The following PLXND1 variants were observed in gnomAD, a reference collection of about 807,000 sequenced individuals.
The protein encoded by PLXND1 is plexin-D1.
In PLXND1, 54 loss-of-function variants were observed where a neutral mutation model predicts 197.7. That is an observed-to-expected ratio of 0.27 (90% CI 0.22 to 0.34). The LOEUF (loss-of-function observed/expected upper bound fraction) is 0.34, where lower values mean the gene tolerates loss of function less well. Among genes scored for constraint, PLXND1 ranks in the 10% least tolerant of loss-of-function variants. The pLI is 1.00. For synonymous variants in PLXND1, 1,180 were observed against 1,161.2 expected, an observed-to-expected ratio of 1.02 and a Z score of -0.33; for missense variants, 2,127 against 2,699.2, an observed-to-expected ratio of 0.79 and a Z score of 4.70.
At position 129,557,219 on chromosome 3, in the gene PLXND1, G is replaced by A. The variant is rs2084987777; in HGVS notation, c.5450C>T (p.Ser1817Leu). ...GGCGTAGAGGAGCTTGTTGGTTGGC[G>A]AATCCTGGGCAGAGAAGAGCGAGGG... ...SISDLQLGKD[S>L]PTNKLLYAKE... Residue 1817 changes from serine to leucine, a missense_variant, in exon 34 of 36, where the codon TCG (serine) becomes TTG (leucine). This residue lies in a region of PLXND1 where 200 missense variants were observed against 303.3 expected (regional missense o/e 0.66). Coordinates refer to ENST00000324093, the MANE Select transcript of PLXND1 (RefSeq NM_015103.3). This position sits in a 1 kb window ranked among gnomAD's most constrained non-coding sequence, Gnocchi z 4.8. The A allele has an allele frequency of 1.9e-6, 3 of 1,614,056 alleles. No homozygotes were observed. Among genetic ancestry groups the A allele is most frequent in the East Asian group, 2.2e-5 (1 of 44,878 alleles).
chr3:129,581,698 T>A (rs985551006), intron 8 of PLXND1, among the ~76,000 whole-genome samples: 1 of 152,182 alleles, frequency 6.6e-6, no homozygotes, highest in African/African-American at 2.4e-5. Context: ...TTCCCTAAGA[T>A]CATACAGCCA....
chr3:129,586,647 G>T lies in PLXND1; in HGVS notation c.1561C>A (p.His521Asn), dbSNP rs1214965133. Residue 521 changes from histidine (H) to asparagine (N), a missense_variant, in exon 3 of 36, where the codon CAT becomes AAT. Transcript: ENST00000324093. ...TCTGCTGGGTCAAACTGCATGACAT[G>T]GTGCACGGGCTCCCCATAGGCCACA... ...VTVAYGEPVHHVMQFDPADSG... is the reference protein window; with the variant it reads ...VTVAYGEPVHNVMQFDPADSG... 1.3e-6 allele frequency: 2 copies of T among 1,583,146 alleles called. No individual in the cohort carries two copies. The highest frequency in any genetic ancestry group is 1.7e-6 in the Non-Finnish European group (2 of 1,164,076).
chr3:129,567,716 G>A lies in PLXND1; in HGVS notation c.3955C>T (p.Arg1319Ter). ...LQMEEMESQI[R>*]EEIRKGFAEL... ...CCACTACCTTTGCGGATTTCCTCTC[G>A]GATCTGAGATTCCATCTCCTCCATC... is the stretch of plus-strand genomic sequence containing the variant. Residue 1319 changes from arginine (R) to a stop codon, truncating the protein, a stop_gained, in exon 21 of 36, where the codon CGA becomes TGA. Coordinates refer to ENST00000324093, the MANE Select transcript of PLXND1 (RefSeq NM_015103.3). LOFTEE classifies it high-confidence loss of function. 3.1e-6 allele frequency: 5 copies of A among 1,610,460 alleles called. No homozygotes were observed. Among genetic ancestry groups the A allele is most frequent in the Non-Finnish European group, 2.5e-6 (3 of 1,176,644 alleles).
At chr3:129,589,307 G>GCCGGGCCCCCCCCCCCCCCCCCCC in intron 2 of PLXND1, 44 bp downstream of exon 2, 5 of 684,692 alleles carry the variant, frequency 7.3e-6, no homozygotes, top group Non-Finnish European at 1.3e-5. Context: ...TCCCAGGGGA[G>GCCGGGCCCCCCCCCCCCCCCCCCC]CCTCCCACCC....
At chr3:129,566,117 T>TG in intron 23 of PLXND1, 100 bp from the exon 24 acceptor site, 1 of 1,283,250 alleles carries the variant, frequency 7.8e-7, no homozygotes, top group Non-Finnish European at 1.1e-6. Context: ...CCTCCTGGGA[T>TG]GGGGAGCTCA....
rs2108774933 is a variant in PLXND1 at position 129,571,189 on chromosome 3, C to A, written c.3451G>T (p.Ala1151Ser). The change falls in exon 18 of 36, where the codon GCT (alanine) becomes TCT (serine). Residue 1151 changes from alanine to serine, a missense_variant. Ala to Ser is a moderately conservative substitution (Grantham distance 99). Transcript: ENST00000324093. Reference protein sequence around the residue: ...INGRAYADEVAVAEELLDPEE... With the variant: ...INGRAYADEVSVAEELLDPEE... ...GGGTCCAGTAGCTCCTCAGCCACAGCCACCTCGTCTGCGTAGGCCCGCCCA... is the reference window on the plus strand; with the variant it reads ...GGGTCCAGTAGCTCCTCAGCCACAGACACCTCGTCTGCGTAGGCCCGCCCA... 6.2e-7 allele frequency: 1 copy of A among 1,614,210 alleles called. No individual in the cohort carries two copies. Among genetic ancestry groups the A allele is most frequent in the Middle Eastern group, 1.6e-4 (1 of 6,062 alleles).
At position 129,605,704 on chromosome 3, in the gene PLXND1, G is replaced by T. The variant is rs777985936; in HGVS notation, c.936C>A (p.Ser312Arg). Residue 312 changes from serine (S) to arginine (R), a missense_variant, in exon 1 of 36, where the codon AGC becomes AGA. This residue lies in a region of PLXND1 where 1,095 missense variants were observed against 1,259.8 expected (regional missense o/e 0.87). Coordinates refer to ENST00000324093, the MANE Select transcript of PLXND1 (RefSeq NM_015103.3). ...TGCGCGCCAGCAGGCTCCGCGCCTG[G>T]CTCTCCTTGTCGCCCGCGCGCGCCT... ...NSEARAGDKE[S>R]QARSLLARIC... 37 of 1,539,696 alleles carry T rather than the reference G, an allele frequency of 2.4e-5. No homozygotes were observed. In the South Asian group the frequency reaches 4.2e-4, roughly 17 times the overall value.
At chr3:129,573,774 T>G (rs766321904) in intron 12 of PLXND1, 29 bp from the exon 13 acceptor site, 1 of 1,607,564 alleles carries the variant, frequency 6.2e-7, no homozygotes, top group South Asian at 1.1e-5. Context: ...GAGGGGCGAA[T>G]GGGATCTGAG....
rs1349317894 is a variant in PLXND1, at chr3:129,606,008, G to A, written c.632C>T (p.Ala211Val). ...GGAGCTGCCGTAACCGGTGTACGTG[G>A]CGCCCACGAGCAGGCGGCTGCCCCC... is the stretch of plus-strand genomic sequence containing the variant. ...GAGGSRLLVG[A>V]TYTGYGSSFF... Residue 211 changes from alanine (A) to valine (V), a missense_variant, in exon 1 of 36, where the codon GCC becomes GTC. By Grantham distance (64) the Ala-to-Val change is moderately conservative. This residue lies in a region of PLXND1 where 1,095 missense variants were observed against 1,259.8 expected (regional missense o/e 0.87). Transcript: ENST00000324093. The A allele has an allele frequency of 6.2e-7, 1 of 1,608,410 alleles. No homozygotes were observed. Among genetic ancestry groups the A allele is most frequent in the African/African-American group, 1.3e-5 (1 of 74,854 alleles).
intron 29 of PLXND1, chr3:129,561,107 G>C: frequency 2.1e-6 from 1 of 474,606 alleles, no homozygotes; most frequent in South Asian, 1.5e-5. Flanking sequence ...AGCCACGGGG[G>C]AGGAGGGGCC....
chr3:129,557,174 C>T lies in PLXND1; in HGVS notation c.5495G>A (p.Arg1832Gln), dbSNP rs138406166. 5.0e-6 allele frequency: 8 copies of T among 1,613,986 alleles called. No homozygotes were observed. In the African/African-American group the frequency reaches 5.3e-5, roughly 11 times the overall value. The change falls in exon 34 of 36, where the codon CGG becomes CAG. Residue 1832 changes from arginine to glutamine, a missense_variant. Physicochemically the swap from Arg to Gln is conservative, Grantham distance 43. Transcript: ENST00000324093. This position sits in a 1 kb window ranked among gnomAD's most constrained non-coding sequence, Gnocchi z 4.8. The part of the protein sequence containing the change: ...LLYAKEIPEY[R>Q]KIVQRYYKQI... ...CTTGTAGTAGCGCTGCACGATCTTCCGGTACTCAGGAATCTCCTTGGCGTA... is the reference window on the plus strand; with the variant it reads ...CTTGTAGTAGCGCTGCACGATCTTCTGGTACTCAGGAATCTCCTTGGCGTA...
In PLXND1 at chr3:129,575,967, C is replaced by A; in HGVS notation, c.2347-112G>T. 4.3e-6 allele frequency: 3 copies of A among 705,786 alleles called. No homozygotes were observed. The South Asian group carries it at 4.8e-5, about 11-fold the overall frequency. 43.7% of individuals were successfully genotyped at this position (705,786 alleles called of 1,614,324 possible). A position where few individuals can be genotyped will look rare whatever the true frequency, so the allele number is the denominator to read the frequency against. On this transcript the variant is annotated intron_variant, in intron 9 of 35. Coordinates refer to ENST00000324093, the MANE Select transcript of PLXND1 (RefSeq NM_015103.3). ...TCCTGCTGGGAAAGGTGGGCTTGGT[C>A]GAACTGTCAGGCCTTTGCATGGGCT...
chr3:129,605,317 G>A lies in PLXND1; in HGVS notation c.1311+12C>T, dbSNP rs1432687963. 3.2e-6 allele frequency: 4 copies of A among 1,239,152 alleles called. No individual in the cohort carries two copies. The highest frequency in any genetic ancestry group is 4.1e-6 in the Non-Finnish European group (4 of 985,358). 76.8% of individuals were successfully genotyped at this position (1,239,152 alleles called of 1,614,324 possible). A position where few individuals can be genotyped will look rare whatever the true frequency, so the allele number is the denominator to read the frequency against. On this transcript the variant is annotated intron_variant, in intron 1 of 35. Coordinates refer to ENST00000324093, the MANE Select transcript of PLXND1 (RefSeq NM_015103.3). ...CGCCGCCGCCGCCGCCGCCGCCACC[G>A]CCCGGGTGTACCTGGATGTTGAGCT...
intron 8 of PLXND1, among the ~76,000 whole-genome samples, chr3:129,581,045 T>C (rs1471582559): frequency 1.3e-5 from 2 of 152,028 alleles, no homozygotes; most frequent in African/African-American, 2.4e-5. Context: ...ACTTTGCACA[T>C]CTTTCACGCG....
Position 129,558,100 on chromosome 3 carries a change from T to A in PLXND1, c.5445+328A>T, listed in dbSNP as rs903172562. ...AGCCTGGCCCGGTTTTCAGATGATG[T>A]TGTGCCTGACCAAGCAGGTTGTCCA... On this transcript the variant is annotated intron_variant, in intron 33 of 35. Coordinates refer to ENST00000324093, the MANE Select transcript of PLXND1 (RefSeq NM_015103.3). The surrounding 1 kb of genome is among the most constrained non-coding windows in gnomAD (Gnocchi z 4.1). 6.6e-6 allele frequency among the ~76,000 whole-genome samples: 1 copy of A among 152,232 alleles called. No individual in the cohort carries two copies. The highest frequency in any genetic ancestry group is 1.5e-5 in the Non-Finnish European group (1 of 68,044).
At chr3:129,580,952 C>T (rs1329040762) in intron 8 of PLXND1, among the ~76,000 whole-genome samples, 1 of 152,108 alleles carries the variant, frequency 6.6e-6, no homozygotes, top group Non-Finnish European at 1.5e-5. Context: ...GCTACCTCAT[C>T]CCTCAGGCAC....
chr3:129,593,050 A>T (rs1034547720), intron 1 of PLXND1, among the ~76,000 whole-genome samples: 1 of 152,004 alleles, frequency 6.6e-6, no homozygotes, highest in African/African-American at 2.4e-5. Flanking sequence ...GTCTTTCAAA[A>T]CTCAAGTTCT....
chr3:129,590,358 T>C (rs1278627144), intron 1 of PLXND1, among the ~76,000 whole-genome samples: 2 of 152,076 alleles, frequency 1.3e-5, no homozygotes, highest in African/African-American at 2.4e-5. Context: ...GGTCTTGGTA[T>C]GTTCAAAGGT....
intron 1 of PLXND1, 33 bp from the exon 2 acceptor site, chr3:129,589,560 C>G (rs1422297481): frequency 4.0e-6 from 6 of 1,517,044 alleles, no homozygotes; most frequent in Non-Finnish European, 5.3e-6. Context: ...GATCCCAGCT[C>G]CAGAACCTTC....
Sources: allele counts gnomAD v4.1 joint callset (sites outside exome capture counted in the v4.1 genomes callset), GRCh38; gene constraint gnomAD v4.1.1; regional missense constraint gnomAD v4.1.1; non-coding constraint Gnocchi (gnomAD v3.1); transcripts MANE v1.5; gene names NCBI Gene and HGNC (gene_info 2026-07-23, HGNC 2026-07-21).